Variants in CSMD1 observed in about 807,000 individuals in gnomAD.
CSMD1 encodes the protein CUB and sushi domain-containing protein 1.
CSMD1 carries 213 observed loss-of-function variants against 417.5 expected under a neutral mutation model. The observed-to-expected ratio is 0.51, with a 90% CI of 0.46 to 0.57. The LOEUF is 0.57. CSMD1 is among the 20% of genes least tolerant of loss of function. The pLI is 0.00. For missense variants in CSMD1, 6,923 were observed against 4,529.7 expected (o/e 1.53, Z -15.17); for synonymous variants, 2,862 against 1,736.8 (o/e 1.65, Z -16.11).
intron 4 of CSMD1, among the ~76,000 whole-genome samples, chr8:4,001,041 G>T (rs1195168851): frequency 1.4e-4 from 15 of 106,162 alleles, no homozygotes; most frequent in African/African-American, 4.5e-4. Context: ...TGTTTCAGAG[G>T]GGAAAATAAA....
chr8:4,164,034 CAT>C (rs1264061084), intron 3 of CSMD1, among the ~76,000 whole-genome samples: 1 of 152,106 alleles, frequency 6.6e-6, no homozygotes, highest in African/African-American at 2.4e-5. Context: ...GCTGTTGGTA[CAT>C]GTGTCATTCC....
At chr8:4,796,756 C>T (rs1416875864) in intron 1 of CSMD1, among the ~76,000 whole-genome samples, 1 of 152,186 alleles carries the variant, frequency 6.6e-6, no homozygotes, top group Non-Finnish European at 1.5e-5. Flanking sequence ...TCAGTGGAGC[C>T]GAATTCAGTC....
At position 4,557,437 on chromosome 8, in the gene CSMD1, T is replaced by C. The variant is rs566432943; in HGVS notation, c.302+79905A>G. Among the ~76,000 whole-genome samples the C allele has an allele frequency of 4.6e-5, 7 of 152,284 alleles. No individual in the cohort carries two copies. In the East Asian group the frequency reaches 1.3e-3, roughly 29 times the overall value. ...ATCTGAAAATCTGCGAGGTTTTTTT[T>C]TTTTGAAATGAGATGAAATACATTT... On this transcript the variant is annotated intron_variant, in intron 2 of 69. Coordinates refer to ENST00000635120, the MANE Select transcript of CSMD1 (RefSeq NM_033225.6).
intron 2 of CSMD1, among the ~76,000 whole-genome samples, chr8:4,617,885 ACCTGGACCAATG>A (rs1433263030): frequency 3.3e-5 from 5 of 152,124 alleles, no homozygotes; most frequent in African/African-American, 1.2e-4. Flanking sequence ...TTACCCCAGA[ACCTGGACCAATG>A]CCTGGGACCC....
At chr8:2,995,098 G>A (rs529272517) in intron 54 of CSMD1, among the ~76,000 whole-genome samples, 2 of 152,194 alleles carry the variant, frequency 1.3e-5, no homozygotes, top group Non-Finnish European at 2.9e-5. Context: ...TGAAGAGGAT[G>A]AAAGTCAAAC....
chr8:3,672,718 A>T (rs1367368747), intron 7 of CSMD1, among the ~76,000 whole-genome samples: 1 of 152,126 alleles, frequency 6.6e-6, no homozygotes, highest in African/African-American at 2.4e-5. Flanking sequence ...GGTGGTTTGA[A>T]ATTGGCCATG....
At chr8:4,343,540 C>A (rs1181312875) in intron 3 of CSMD1, among the ~76,000 whole-genome samples, 2 of 152,012 alleles carry the variant, frequency 1.3e-5, no homozygotes, top group East Asian at 1.9e-4. Context: ...AAGTTATATA[C>A]AATGTTACTT....
intron 3 of CSMD1, among the ~76,000 whole-genome samples, chr8:4,397,101 G>A (rs1302668002): frequency 6.6e-6 from 1 of 151,208 alleles, no homozygotes; most frequent in South Asian, 2.2e-4. Flanking sequence ...TTTTCCCTAA[G>A]AAGAGTATAT....
At chr8:4,292,492 T>A (rs1283181097) in intron 3 of CSMD1, among the ~76,000 whole-genome samples, 2 of 152,144 alleles carry the variant, frequency 1.3e-5, no homozygotes, top group Non-Finnish European at 2.9e-5. Context: ...GACCTCGTAA[T>A]CTGCCTGCCT....
chr8:4,020,836 C>G (rs1796752502), intron 4 of CSMD1, among the ~76,000 whole-genome samples: 1 of 152,202 alleles, frequency 6.6e-6, no homozygotes, highest in African/African-American at 2.4e-5. Context: ...TTAGCTCACT[C>G]TTATCTTTTG....
At chr8:4,721,458 G>A (rs140307476) in intron 1 of CSMD1, among the ~76,000 whole-genome samples, 135 of 152,204 alleles carry the variant, frequency 8.9e-4, no homozygotes, top group African/African-American at 3.0e-3. Flanking sequence ...AAACTATTCT[G>A]GAAGATGCTC....
chr8:3,836,379 G>A (rs963486896), intron 5 of CSMD1, among the ~76,000 whole-genome samples: 3 of 152,066 alleles, frequency 2.0e-5, no homozygotes, highest in African/African-American at 4.8e-5. Flanking sequence ...AATCCCAAGG[G>A]TCTAAATACA....
chr8:4,290,961 G>A lies in CSMD1; in HGVS notation c.415+128992C>T, dbSNP rs79995470. Among the ~76,000 whole-genome samples the A allele has an allele frequency of 5.6e-3, 849 of 152,120 alleles. 21 individuals are homozygous for A. Among genetic ancestry groups the A allele is most frequent in the East Asian group, 0.039 (201 of 5,176 alleles). ...ATTCATTTCTTTCTAAAATTTAGAG[G>A]GGCAAAATTTCATCTCCCTAAATTG... On this transcript the variant is annotated intron_variant, in intron 3 of 69. Transcript: ENST00000635120.
chr8:4,279,984 C>G (rs938498535), intron 3 of CSMD1, among the ~76,000 whole-genome samples: 1 of 152,202 alleles, frequency 6.6e-6, no homozygotes, highest in African/African-American at 2.4e-5. Context: ...ACTGGTGTTT[C>G]AAACAGAAAC....
At chr8:3,785,129 T>C (rs771896769) in intron 5 of CSMD1, among the ~76,000 whole-genome samples, 12 of 152,208 alleles carry the variant, frequency 7.9e-5, no homozygotes, top group Non-Finnish European at 1.8e-4. Flanking sequence ...CTCTGTGATG[T>C]TGGGTAAGTT....
chr8:3,594,803 A>C (rs951559155), intron 8 of CSMD1, among the ~76,000 whole-genome samples: 11 of 152,186 alleles, frequency 7.2e-5, no homozygotes, highest in African/African-American at 2.2e-4. Context: ...TTAACCTCCG[A>C]GGGAACCGCG....
intron 18 of CSMD1, among the ~76,000 whole-genome samples, chr8:3,376,886 G>T (rs1024712263): frequency 6.6e-6 from 1 of 152,130 alleles, no homozygotes; most frequent in Non-Finnish European, 1.5e-5. Flanking sequence ...TGGGGTTTAA[G>T]AGATTGCTTA....
intron 2 of CSMD1, among the ~76,000 whole-genome samples, chr8:4,509,964 G>C (rs571281783): frequency 6.6e-6 from 1 of 152,188 alleles, no homozygotes; most frequent in East Asian, 1.9e-4. Context: ...ATTTTGCTGT[G>C]TCTCCACCCA....
chr8:4,778,824 C>G (rs1797006025), intron 1 of CSMD1, among the ~76,000 whole-genome samples: 1 of 152,130 alleles, frequency 6.6e-6, no homozygotes. Flanking sequence ...AGATGAGATG[C>G]AATGATCAAA....
Sources: gnomAD v4.1 joint callset for allele counts (sites outside exome capture counted in the v4.1 genomes callset) on GRCh38, gnomAD v4.1.1 for gene constraint, MANE v1.5 for transcripts, NCBI Gene and HGNC (gene_info 2026-07-23, HGNC 2026-07-21) for gene names.